Variants in FER1L6 observed in about 807,000 individuals in gnomAD.
FER1L6 encodes the protein fer-1-like protein 6.
A neutral mutation model predicts 219.2 loss-of-function variants in FER1L6; 177 were observed. The observed-to-expected ratio is 0.81, with a 90% CI of 0.71 to 0.91. The LOEUF is 0.91. Ranked by LOEUF, FER1L6 falls within the 40% of genes least tolerant of loss-of-function variation. The pLI, the probability that FER1L6 is intolerant of heterozygous loss-of-function variation, is 0.00. For missense variants in FER1L6, 2,153 were observed against 2,259.9 expected, an observed-to-expected ratio of 0.95 and a Z score of 0.96; for synonymous variants, 768 against 824.3, an observed-to-expected ratio of 0.93 and a Z score of 1.17.
chr8:123,867,902 A>T (rs777509864), intron 1 of FER1L6, among the ~76,000 whole-genome samples: 1 of 152,244 alleles, frequency 6.6e-6, no homozygotes, highest in Admixed American at 6.5e-5. Flanking sequence ...GAACATCAGC[A>T]TCACCTATGA....
chr8:124,034,198 A>C (rs1819100939), intron 18 of FER1L6, among the ~76,000 whole-genome samples: 1 of 150,032 alleles, frequency 6.7e-6, no homozygotes, highest in Non-Finnish European at 1.5e-5. Flanking sequence ...GGAAATTCTA[A>C]GAAACACCAG....
rs755077345 is a variant in FER1L6, at chr8:124,023,547, C to T, written c.2237C>T (p.Ala746Val). The change falls in exon 18 of 41, where the codon GCG becomes GTG. Residue 746 changes from alanine (A) to valine (V), a missense_variant. Physicochemically the swap from Ala to Val is moderately conservative, Grantham distance 64 (BLOSUM62 0). Coordinates refer to ENST00000522917, the MANE Select transcript of FER1L6 (RefSeq NM_001039112.2). ...ASKDLLYSPV[A>V]GQMGKHCGKI... ...AAAGACCTCCTCTATTCCCCTGTCG[C>T]GGGGCAGATGGGCAAACACTGCGGC... is the stretch of plus-strand genomic sequence containing the variant. 2.1e-5 allele frequency: 34 copies of T among 1,614,020 alleles called. No homozygotes were observed. The South Asian group carries it at 2.4e-4, about 11-fold the overall frequency.
In FER1L6 at chr8:124,005,290, C is replaced by T. The variant is rs544090456; in HGVS notation, c.1700+1943C>T. 1.9e-4 allele frequency among the ~76,000 whole-genome samples: 29 copies of T among 152,298 alleles called. 1 individual carries two copies. The South Asian group carries it at 4.6e-3, about 24-fold the overall frequency. On this transcript the variant is annotated intron_variant, in intron 13 of 40. Transcript: ENST00000522917. ...TCCCTGTGGCTTTCAGGATTAATTC[C>T]GGAGGCCGTAGCTTATGGATTTGAT...
chr8:124,030,904 G>A (rs1818934581), intron 18 of FER1L6, among the ~76,000 whole-genome samples: 2 of 152,078 alleles, frequency 1.3e-5, no homozygotes, highest in Admixed American at 1.3e-4. Context: ...CGGCTGTCTT[G>A]CACCAGGACC....
chr8:123,984,796 G>C (rs1816492911), intron 11 of FER1L6: 2 of 152,172 alleles, frequency 1.3e-5, no homozygotes, highest in South Asian at 4.1e-4. Context: ...TTGGTTCTCT[G>C]AGGCAGCTGT....
chr8:124,035,263 TAACC>T lies in FER1L6; in HGVS notation c.2287-13_2287-10del, dbSNP rs1404819281. On this transcript the variant is annotated splice_polypyrimidine_tract_variant and intron_variant, in intron 18 of 40. Transcript: ENST00000522917. ...CCTACTAATAAGTCAGTCTTTTTTG[TAACC>T]TTTCTCCAGCCTCCTGGGAAACGAC... 7 of 1,609,880 alleles carry T rather than the reference TAACC, an allele frequency of 4.3e-6. No homozygotes were observed. The Admixed American group carries it at 8.5e-5, about 19-fold the overall frequency.
Position 124,093,731 on chromosome 8 carries a change from T to G in FER1L6, c.4553-1165T>G, listed in dbSNP as rs76024158. ...ATTTCTTGTTTGTCTCTATCAACTT[T>G]TACTGATTGTAATTATTGCTATTGG... On this transcript the variant is annotated intron_variant, in intron 34 of 40. Coordinates refer to ENST00000522917, the MANE Select transcript of FER1L6 (RefSeq NM_001039112.2). Among the ~76,000 whole-genome samples, 145 of 151,024 alleles carry G rather than the reference T, an allele frequency of 9.6e-4. 3 individuals carry two copies. In the East Asian group the frequency reaches 0.027, roughly 28 times the overall value.
intron 18 of FER1L6, among the ~76,000 whole-genome samples, chr8:124,025,883 C>T (rs1281860536): frequency 1.3e-5 from 2 of 152,158 alleles, no homozygotes; most frequent in African/African-American, 4.8e-5. Flanking sequence ...TTCCTCATTA[C>T]CTTTTCACTT....
rs80104702 is a variant in FER1L6, at chr8:123,958,223, G to A, written c.76+2149G>A. ...TAATGGCAAAGACTGGATGGTCCGA[G>A]GGGAGGACAGCTCTGTTCAGGACTC... On this transcript the variant is annotated intron_variant, in intron 2 of 40. Transcript: ENST00000522917. Among the ~76,000 whole-genome samples the A allele has an allele frequency of 7.8e-3, 1,193 of 152,300 alleles. 18 individuals are homozygous for A. Among genetic ancestry groups the A allele is most frequent in the African/African-American group, 0.025 (1,057 of 41,556 alleles).
At chr8:124,034,222 G>A (rs1353418674) in intron 18 of FER1L6, among the ~76,000 whole-genome samples, 2 of 152,046 alleles carry the variant, frequency 1.3e-5, no homozygotes, top group Non-Finnish European at 2.9e-5. Context: ...GAGGAACTTA[G>A]AAGAAGAGTT....
Position 124,103,333 on chromosome 8 carries a change from G to C in FER1L6, c.5289+24G>C, listed in dbSNP as rs146403514. On this transcript the variant is annotated intron_variant, in intron 39 of 40. Coordinates refer to ENST00000522917, the MANE Select transcript of FER1L6 (RefSeq NM_001039112.2). Reference sequence around the variant, plus strand: ...CAGTAAGTGACAGCTATGGGAGGTGGAGGAGATGGGGGAAGTTGGGGGCAT... The same window carrying C: ...CAGTAAGTGACAGCTATGGGAGGTGCAGGAGATGGGGGAAGTTGGGGGCAT... The C allele has an allele frequency of 6.2e-6, 10 of 1,603,688 alleles. No homozygotes were observed. The South Asian group carries it at 1.0e-4, about 16-fold the overall frequency.
intron 10 of FER1L6, 61 bp from the exon 11 acceptor site, chr8:123,980,404 T>C (rs1481194534): frequency 3.1e-6 from 4 of 1,309,734 alleles, no homozygotes; most frequent in South Asian, 1.4e-5. Flanking sequence ...TTGAAATGAA[T>C]GTGTGCAACT....
chr8:123,938,625 C>A (rs974732792), intron 1 of FER1L6, among the ~76,000 whole-genome samples: 3 of 148,884 alleles, frequency 2.0e-5, no homozygotes, highest in African/African-American at 7.5e-5. Flanking sequence ...TGGCTCACTG[C>A]AACCTCCACC....
intron 1 of FER1L6, among the ~76,000 whole-genome samples, chr8:123,892,956 A>T (rs934955760): frequency 1.3e-5 from 2 of 152,148 alleles, no homozygotes; most frequent in Non-Finnish European, 2.9e-5. Flanking sequence ...TTATATTTAT[A>T]TAGATGTGGT....
intron 18 of FER1L6, among the ~76,000 whole-genome samples, chr8:124,025,210 A>ATTTG (rs1417021472): frequency 1.0e-5 from 1 of 98,948 alleles, no homozygotes; most frequent in African/African-American, 4.2e-5. Flanking sequence ...ATTAGGTACA[A>ATTTG]TTTATTTTTT....
At chr8:124,058,871 C>T (rs749923101) in intron 22 of FER1L6, 2 of 152,254 alleles carry the variant, frequency 1.3e-5, no homozygotes, top group Non-Finnish European at 2.9e-5. Flanking sequence ...CCTGCAGCTT[C>T]ATTACCTTAA....
chr8:124,007,332 C>T (rs1817707139), intron 13 of FER1L6, among the ~76,000 whole-genome samples: 1 of 151,920 alleles, frequency 6.6e-6, no homozygotes, highest in South Asian at 2.1e-4. Context: ...GCTTCTTCCT[C>T]CATATGCCAT....
chr8:123,924,646 C>T (rs564113671), intron 1 of FER1L6: 8 of 152,106 alleles, frequency 5.3e-5, no homozygotes, highest in Non-Finnish European at 1.2e-4. Context: ...AGGATGAAGC[C>T]CTGGCACTCA....
At chr8:123,919,611 G>A (rs1166920881) in intron 1 of FER1L6, among the ~76,000 whole-genome samples, 1 of 152,216 alleles carries the variant, frequency 6.6e-6, no homozygotes, top group Non-Finnish European at 1.5e-5. Context: ...CATATAATTT[G>A]CATGGCTCAG....
Sources: allele counts gnomAD v4.1 joint callset (sites outside exome capture counted in the v4.1 genomes callset), GRCh38; gene constraint gnomAD v4.1.1; transcripts MANE v1.5; gene names NCBI Gene and HGNC (gene_info 2026-07-23, HGNC 2026-07-21).